The following STOML3 variants were observed in gnomAD, a reference collection of about 807,000 sequenced individuals.
The protein encoded by STOML3 is stomatin-like protein 3.
STOML3 carries 31 observed loss-of-function variants against 29.5 expected under a neutral mutation model. That is an observed-to-expected ratio of 1.05 (90% CI 0.79 to 1.42). The LOEUF (loss-of-function observed/expected upper bound fraction) is 1.42, where lower values mean the gene tolerates loss of function less well. Ranked by LOEUF, STOML3 falls within the 40% of genes most tolerant of loss-of-function variation. The probability of loss-of-function intolerance (pLI) is 0.00; values close to 1 mark genes in which losing one functional copy is unlikely to be tolerated. For synonymous variants in STOML3, 122 were observed against 139.8 expected (o/e 0.87, Z 0.90); for missense variants, 380 against 363.0 (o/e 1.05, Z -0.38).
chr13:38,976,751 G>T lies in STOML3; in HGVS notation c.99C>A (p.Ser33=), dbSNP rs1881094562. ...RLGVCGWILF[S]LSFLLVIITF... The stretch of plus-strand genomic sequence containing the variant: ...TAATGATCACCAACAGGAAAGAGAG[G>T]GAAAACAGGATCCAGCCACATACAC... Residue 33 remains serine (S), a synonymous_variant, in exon 2 of 7, where the codon TCC becomes TCA. Coordinates refer to ENST00000379631, the MANE Select transcript of STOML3 (RefSeq NM_145286.3). 2 of 1,613,992 alleles carry T rather than the reference G, an allele frequency of 1.2e-6. No homozygotes were observed. Among genetic ancestry groups the T allele is most frequent in the East Asian group, 4.5e-5 (2 of 44,872 alleles).
chr13:38,985,911 C>CTTTTTTTTTTTTTTTTTTTT (rs1170409048), intron 1 of STOML3, among the ~76,000 whole-genome samples: 11 of 85,616 alleles, frequency 1.3e-4, no homozygotes, highest in South Asian at 5.1e-4. Flanking sequence ...TCTTTTCTTT[C>CTTTTTTTTTTTTTTTTTTTT]TTTTTTTTTT....
At position 38,966,701 on chromosome 13, in the gene STOML3, C is replaced by T. The variant is rs1880657820; in HGVS notation, c.*124G>A. The T allele has an allele frequency of 1.2e-6, 1 of 826,022 alleles. No individual in the cohort carries two copies. The highest frequency in any genetic ancestry group is 1.7e-5 in the South Asian group (1 of 58,744). 51.2% of individuals were successfully genotyped at this position (826,022 alleles called of 1,614,324 possible). A position where few individuals can be genotyped will look rare whatever the true frequency, so the allele number is the denominator to read the frequency against. On this transcript the variant is annotated 3_prime_UTR_variant, in exon 7 of 7. Transcript: ENST00000379631. ...CCTCTAGAGCTTTTTCCTGCCAATGCTCTTCCATCTATGGAGTTACTGTTA... is the reference window on the plus strand; with the variant it reads ...CCTCTAGAGCTTTTTCCTGCCAATGTTCTTCCATCTATGGAGTTACTGTTA...
rs752618533 is a variant in STOML3, at chr13:38,976,776, C to A, written c.74G>T (p.Gly25Val). 1.2e-6 allele frequency: 2 copies of A among 1,613,784 alleles called. No individual in the cohort carries two copies. The highest frequency in any genetic ancestry group is 4.5e-5 in the East Asian group (2 of 44,860). Residue 25 changes from glycine (G) to valine (V), a missense_variant, in exon 2 of 7, where the codon GGT (glycine) becomes GTT (valine). Physicochemically the swap from Gly to Val is moderately radical, Grantham distance 109. Transcript: ENST00000379631. ...NFVGVNNKRL[G>V]VCGWILFSLS... ...GGAAAACAGGATCCAGCCACATACA[C>A]CAAGCCGTTTATTGTTGACACCTAG...
At chr13:38,983,245 C>A (rs530356196) in intron 1 of STOML3, among the ~76,000 whole-genome samples, 1 of 152,278 alleles carries the variant, frequency 6.6e-6, no homozygotes, top group South Asian at 2.1e-4. Flanking sequence ...GATTCCAGTA[C>A]TCTTCCAGTA....
chr13:38,965,949 C>A lies in STOML3; in HGVS notation c.*876G>T, dbSNP rs960844038. Reference sequence around the variant, plus strand: ...GTAACTTTTGAAATTCATTTATATTCTATGCCTTCTTTGTTTTGAACAGGT... The same window carrying A: ...GTAACTTTTGAAATTCATTTATATTATATGCCTTCTTTGTTTTGAACAGGT... On this transcript the variant is annotated 3_prime_UTR_variant, in exon 7 of 7. Transcript: ENST00000379631. 4 of 152,098 alleles carry A rather than the reference C, an allele frequency of 2.6e-5. No individual in the cohort carries two copies. The highest frequency in any genetic ancestry group is 9.7e-5 in the African/African-American group (4 of 41,412). 9.4% of individuals were successfully genotyped at this position (152,098 alleles called of 1,614,324 possible).
At chr13:38,977,964 G>C (rs1286691609) in intron 1 of STOML3, among the ~76,000 whole-genome samples, 3 of 151,672 alleles carry the variant, frequency 2.0e-5, no homozygotes, top group African/African-American at 4.8e-5. Flanking sequence ...GATTCACCAT[G>C]TTAGCCAGGA....
chr13:38,978,800 G>C (rs897562794), intron 1 of STOML3, among the ~76,000 whole-genome samples: 2 of 152,100 alleles, frequency 1.3e-5, no homozygotes, highest in Admixed American at 6.5e-5. Flanking sequence ...TGAATATTTA[G>C]GAGAATTCTG....
intron 3 of STOML3, among the ~76,000 whole-genome samples, chr13:38,974,115 A>T (rs1429102496): frequency 6.6e-6 from 1 of 152,200 alleles, no homozygotes; most frequent in Non-Finnish European, 1.5e-5. Flanking sequence ...AAGAAAGTTC[A>T]TTTAAGGACC....
intron 1 of STOML3, among the ~76,000 whole-genome samples, chr13:38,987,801 T>G (rs1464231922): frequency 3.7e-5 from 4 of 106,862 alleles, no homozygotes; most frequent in Non-Finnish European, 5.2e-5. Context: ...TATATTATAT[T>G]TTATATATAA....
At chr13:38,988,350 ATATCATATATTT>A (rs1290057467) in intron 1 of STOML3, among the ~76,000 whole-genome samples, 5 of 82,850 alleles carry the variant, frequency 6.0e-5, no homozygotes, top group East Asian at 3.9e-4. Flanking sequence ...ATTATATTTT[ATATCATATATTT>A]TATATAATAT....
rs1438884348 is a variant in STOML3, at chr13:38,966,669, T to C, written c.*156A>G. On this transcript the variant is annotated 3_prime_UTR_variant, in exon 7 of 7. Transcript: ENST00000379631. ...TCATTTTTGCTCTTTTTTTCTTCTC[T>C]GTATAGCCTCTAGAGCTTTTTCCTG... is the stretch of plus-strand genomic sequence containing the variant. The C allele has an allele frequency of 1.6e-6, 1 of 630,280 alleles. No homozygotes were observed. Among genetic ancestry groups the C allele is most frequent in the East Asian group, 2.7e-5 (1 of 37,012 alleles). The allele number at this position is 630,280 out of a possible 1,614,324, so 39.0% of individuals were successfully genotyped here.
chr13:38,989,568 T>C (rs1367038440), intron 1 of STOML3, among the ~76,000 whole-genome samples: 1 of 151,992 alleles, frequency 6.6e-6, no homozygotes, highest in Non-Finnish European at 1.5e-5. Flanking sequence ...AGTGGTGCAA[T>C]CTCAGCTCAC....
At chr13:38,967,608 C>T (rs1351158879) in intron 6 of STOML3, among the ~76,000 whole-genome samples, 2 of 152,150 alleles carry the variant, frequency 1.3e-5, no homozygotes, top group Non-Finnish European at 2.9e-5. Flanking sequence ...CTCAGACTGT[C>T]CAGGAGTGAT....
intron 3 of STOML3, among the ~76,000 whole-genome samples, chr13:38,974,438 AG>A (rs1880998222): frequency 6.6e-6 from 1 of 152,248 alleles, no homozygotes; most frequent in African/African-American, 2.4e-5. Context: ...AGAACTAGAC[AG>A]AGTTAAGTCC....
intron 1 of STOML3, among the ~76,000 whole-genome samples, chr13:38,986,781 C>T (rs1868588533): frequency 6.6e-6 from 1 of 152,130 alleles, no homozygotes; most frequent in African/African-American, 2.4e-5. Flanking sequence ...ACTCAAAATG[C>T]TCTCTTAGCC....
intron 3 of STOML3, among the ~76,000 whole-genome samples, chr13:38,973,101 A>ACAAAC (rs777425402): frequency 1.9e-5 from 2 of 107,660 alleles, no homozygotes; most frequent in South Asian, 3.7e-4. Context: ...TCTACTAAAA[A>ACAAAC]AAAAAAAAAA....
chr13:38,967,161 T>G (rs760151730), intron 6 of STOML3, 112 bp from the exon 7 acceptor site: 15 of 920,040 alleles, frequency 1.6e-5, no homozygotes, highest in Non-Finnish European at 2.4e-5. Context: ...TGTTGCCACA[T>G]GTGTTTCATC....
rs1880783193 is a variant in STOML3 at position 38,969,522 on chromosome 13, G to A, written c.516+663C>T. On this transcript the variant is annotated intron_variant, in intron 5 of 6. Transcript: ENST00000379631. ...AAAAGCTTGGGACCTTTCCTCTACT[G>A]TAGGGACTAGAGGAGAGGCCAAGAA... 2.6e-5 allele frequency among the ~76,000 whole-genome samples: 4 copies of A among 152,282 alleles called. No individual in the cohort carries two copies. In the South Asian group the frequency reaches 8.3e-4, roughly 32 times the overall value.
At chr13:38,980,195 G>C in intron 1 of STOML3, 5 of 1,484,968 alleles carry the variant, frequency 3.4e-6, no homozygotes, top group Non-Finnish European at 4.6e-6. Context: ...TGGAGCATTA[G>C]AATCACCCAG....
Sources: gnomAD v4.1 joint callset for allele counts (sites outside exome capture counted in the v4.1 genomes callset) on GRCh38, gnomAD v4.1.1 for gene constraint, MANE v1.5 for transcripts, NCBI Gene and HGNC (gene_info 2026-07-23, HGNC 2026-07-21) for gene names.